ASTN2: variants seen among roughly 807,000 people sequenced by gnomAD.
ASTN2 encodes the protein astrotactin 2, also known as astrotactin-2.
Under a neutral mutation model 139.8 loss-of-function variants are expected in ASTN2, and 54 were observed. The ratio of observed to expected loss-of-function variants is 0.39; its 90% CI spans 0.31 to 0.48. The LOEUF is 0.48. ASTN2 is among the 20% of genes least tolerant of loss of function. The probability of loss-of-function intolerance (pLI) is 0.95; values close to 1 mark genes in which losing one functional copy is unlikely to be tolerated. For missense variants in ASTN2, 1,565 were observed against 1,725.1 expected (o/e 0.91, Z 1.64); for synonymous variants, 756 against 719.5 (o/e 1.05, Z -0.81).
chr9:116,808,433 G>A (rs1439716901), intron 12 of ASTN2, among the ~76,000 whole-genome samples: 1 of 152,096 alleles, frequency 6.6e-6, no homozygotes, highest in Non-Finnish European at 1.5e-5. Context: ...ACTATATATT[G>A]TTGTGAGACA....
At chr9:116,817,624 C>T (rs1831367463) in intron 12 of ASTN2, among the ~76,000 whole-genome samples, 1 of 152,166 alleles carries the variant, frequency 6.6e-6, no homozygotes, top group African/African-American at 2.4e-5. Flanking sequence ...AATGGAGGAA[C>T]TTTGCTTAAC....
intron 5 of ASTN2, among the ~76,000 whole-genome samples, chr9:117,077,175 A>C (rs1249432748): frequency 6.6e-6 from 1 of 152,158 alleles, no homozygotes; most frequent in Non-Finnish European, 1.5e-5. Context: ...AATATGAACC[A>C]GGCTTGGGCT....
At chr9:116,959,322 C>G (rs923029339) in intron 10 of ASTN2, among the ~76,000 whole-genome samples, 1 of 152,142 alleles carries the variant, frequency 6.6e-6, no homozygotes, top group Admixed American at 6.5e-5. Flanking sequence ...GACCTAAAAG[C>G]ACTCAAGAAG....
intron 2 of ASTN2, among the ~76,000 whole-genome samples, chr9:117,247,816 G>C (rs747206646): frequency 2.0e-5 from 3 of 152,194 alleles, no homozygotes; most frequent in Non-Finnish European, 2.9e-5. Flanking sequence ...GAGGTGCTGG[G>C]CACCTGGCAC....
At chr9:116,444,089 C>T (rs1350371914) in intron 20 of ASTN2, among the ~76,000 whole-genome samples, 1 of 142,114 alleles carries the variant, frequency 7.0e-6, no homozygotes, top group Admixed American at 7.6e-5. Flanking sequence ...TCCTAAAAGA[C>T]AGGCACTATT....
intron 17 of ASTN2, among the ~76,000 whole-genome samples, chr9:116,634,302 A>G (rs1205239728): frequency 6.6e-6 from 1 of 151,610 alleles, no homozygotes; most frequent in Non-Finnish European, 1.5e-5. Flanking sequence ...CTTAATAAGC[A>G]AAATAGGGCC....
At chr9:116,443,165 A>T (rs1417783101) in intron 20 of ASTN2, among the ~76,000 whole-genome samples, 4 of 152,230 alleles carry the variant, frequency 2.6e-5, no homozygotes, top group Admixed American at 1.3e-4. Context: ...TAGCCCATGA[A>T]AGCCTTCCTG....
chr9:116,926,450 T>G (rs1240079367), intron 10 of ASTN2, among the ~76,000 whole-genome samples: 1 of 152,188 alleles, frequency 6.6e-6, no homozygotes. Context: ...TCCTCCTTCT[T>G]TTTGGTCCCT....
At chr9:117,133,642 A>G (rs1328182003) in intron 4 of ASTN2, among the ~76,000 whole-genome samples, 2 of 152,232 alleles carry the variant, frequency 1.3e-5, no homozygotes, top group Non-Finnish European at 2.9e-5. Flanking sequence ...AAGGGAGAAG[A>G]TAAGAAGTGA....
rs1554717111 is a variant in ASTN2, at chr9:116,586,833, C to CACACACAT, written c.3355+31490_3355+31491insATGTGTGT. Among the ~76,000 whole-genome samples, 171 of 118,140 alleles carry CACACACAT rather than the reference C, an allele frequency of 1.4e-3. 2 individuals are homozygous for CACACACAT. The East Asian group carries it at 0.028, about 20-fold the overall frequency. 77.5% of individuals were successfully genotyped at this position (118,140 alleles called of 152,430 possible). On this transcript the variant is annotated intron_variant, in intron 19 of 22. Coordinates refer to ENST00000313400, the MANE Select transcript of ASTN2 (RefSeq NM_001365068.1). ...AAATTCACACACACACACATACATA[C>CACACACAT]ACACACACACACACACACACACACA...
chr9:117,286,549 C>T (rs1436789192), intron 2 of ASTN2, among the ~76,000 whole-genome samples: 4 of 152,104 alleles, frequency 2.6e-5, no homozygotes, highest in African/African-American at 9.7e-5. Flanking sequence ...CTTTATCCTG[C>T]AAGTTTGCAT....
intron 11 of ASTN2, among the ~76,000 whole-genome samples, chr9:116,857,268 A>G (rs1832764828): frequency 6.6e-6 from 1 of 152,220 alleles, no homozygotes; most frequent in East Asian, 1.9e-4. Context: ...ATTGCCATGA[A>G]CATAGGCAAA....
intron 19 of ASTN2, among the ~76,000 whole-genome samples, chr9:116,600,866 C>A (rs1854859948): frequency 6.6e-6 from 1 of 152,058 alleles, no homozygotes; most frequent in South Asian, 2.1e-4. Context: ...GCCCCTCAAT[C>A]TTCACTTCAT....
intron 13 of ASTN2, among the ~76,000 whole-genome samples, chr9:116,743,428 G>T (rs1269162930): frequency 6.6e-6 from 1 of 152,100 alleles, no homozygotes. Flanking sequence ...GCGGACGCCT[G>T]TAGTCCACGC....
intron 17 of ASTN2, among the ~76,000 whole-genome samples, chr9:116,638,347 G>A (rs1857170637): frequency 6.6e-6 from 1 of 152,160 alleles, no homozygotes; most frequent in Admixed American, 6.6e-5. Context: ...GTAAACATAG[G>A]TGAGGGAATT....
chr9:117,278,879 C>T (rs1406865596), intron 2 of ASTN2, among the ~76,000 whole-genome samples: 2 of 152,212 alleles, frequency 1.3e-5, no homozygotes, highest in East Asian at 3.9e-4. Flanking sequence ...CTGCTGGGTG[C>T]AGTTTATAGC....
chr9:116,609,738 T>C (rs1373635833), intron 19 of ASTN2, among the ~76,000 whole-genome samples: 2 of 151,720 alleles, frequency 1.3e-5, no homozygotes, highest in Admixed American at 1.3e-4. Flanking sequence ...GAAAAAATAA[T>C]TAAGAAAAAA....
chr9:116,910,506 C>A (rs143022197), intron 10 of ASTN2, among the ~76,000 whole-genome samples: 1 of 152,302 alleles, frequency 6.6e-6, no homozygotes, highest in Non-Finnish European at 1.5e-5. Context: ...ACTTGACACG[C>A]TTACATACAA....
chr9:116,596,667 T>C (rs747722387), intron 19 of ASTN2, among the ~76,000 whole-genome samples: 3 of 152,102 alleles, frequency 2.0e-5, no homozygotes, highest in African/African-American at 4.8e-5. Flanking sequence ...TGAGCAAATA[T>C]ATAAATAAAT....
Sources: allele counts gnomAD v4.1 joint callset (sites outside exome capture counted in the v4.1 genomes callset), GRCh38; gene constraint gnomAD v4.1.1; transcripts MANE v1.5; gene names NCBI Gene and HGNC (gene_info 2026-07-23, HGNC 2026-07-21).